The following CRISPLD1 variants were observed in gnomAD, a reference collection of about 807,000 sequenced individuals.
CRISPLD1 encodes the protein cysteine rich secretory protein LCCL domain containing 1, also known as cysteine-rich secretory protein LCCL domain-containing 1.
CRISPLD1 carries 60 observed loss-of-function variants against 77.5 expected under a neutral mutation model. The observed-to-expected ratio is 0.77, with a 90% CI of 0.63 to 0.96. CRISPLD1 has a LOEUF of 0.96. CRISPLD1 is among the 40% of genes least tolerant of loss of function. The pLI is 0.00. For synonymous variants in CRISPLD1, 195 were observed against 200.1 expected (o/e 0.97, Z 0.22); for missense variants, 623 against 615.8 (o/e 1.01, Z -0.12).
intron 2 of CRISPLD1, among the ~76,000 whole-genome samples, chr8:75,004,000 CAA>C (rs1812788242): frequency 6.6e-6 from 1 of 152,174 alleles, no homozygotes; most frequent in Admixed American, 6.5e-5. Flanking sequence ...GTTTTCATTA[CAA>C]AAGTTATTTT....
At chr8:75,027,751 C>T (rs187199019) in intron 13 of CRISPLD1, among the ~76,000 whole-genome samples, 1 of 152,128 alleles carries the variant, frequency 6.6e-6, no homozygotes, top group Admixed American at 6.6e-5. Context: ...GCCAGACTCC[C>T]TCCCTCCTTC....
intron 2 of CRISPLD1, among the ~76,000 whole-genome samples, chr8:75,002,467 C>A (rs1346665111): frequency 6.8e-6 from 1 of 147,326 alleles, no homozygotes; most frequent in Non-Finnish European, 1.5e-5. Context: ...AAACAAATGC[C>A]ACAATAACTA....
intron 10 of CRISPLD1, among the ~76,000 whole-genome samples, 189 bp downstream of exon 10, chr8:75,017,639 T>G (rs1026631850): frequency 2.0e-5 from 3 of 152,184 alleles, no homozygotes; most frequent in Admixed American, 6.5e-5. Context: ...GTTGAACTCT[T>G]TTGCTTTTAA....
rs1201535218 is a variant in CRISPLD1 at position 74,986,110 on chromosome 8, T to G, written c.123T>G (p.Asp41Glu). The G allele has an allele frequency of 1.1e-5, 18 of 1,613,804 alleles. No homozygotes were observed. Among genetic ancestry groups the G allele is most frequent in the Non-Finnish European group, 1.4e-5 (17 of 1,179,990 alleles). ...LLEKLLEKYM[D>E]EDGEWWIAKQ... ...AGAAACTTTTGGAAAAATACATGGATGAGGATGGTGAGTGGTGGATAGCCA... is the reference window on the plus strand; with the variant it reads ...AGAAACTTTTGGAAAAATACATGGAGGAGGATGGTGAGTGGTGGATAGCCA... The change falls in exon 2 of 15, where the codon GAT (aspartate) becomes GAG (glutamate). Residue 41 changes from aspartate to glutamate, a missense_variant. Asp to Glu is a conservative substitution (Grantham distance 45). Transcript: ENST00000262207.
At position 74,985,919 on chromosome 8, in the gene CRISPLD1, G is replaced by A. The variant is rs900607232; in HGVS notation, c.-62-7G>A. 15 of 1,506,670 alleles carry A rather than the reference G, an allele frequency of 1.0e-5. No individual in the cohort carries two copies. The African/African-American group carries it at 1.7e-4, about 17-fold the overall frequency. The allele number at this position is 1,506,670 out of a possible 1,614,324, so 93.3% of individuals were successfully genotyped here. A position where few individuals can be genotyped will look rare whatever the true frequency, so the allele number is the denominator to read the frequency against. On this transcript the variant is annotated splice_region_variant and splice_polypyrimidine_tract_variant and intron_variant, in intron 1 of 14. Transcript: ENST00000262207. ...TTTCATCTTAATCACATGACATGTC[G>A]TTATAGCCAAAAGGAGTGGAAGAGC...
chr8:75,014,217 A>G, intron 5 of CRISPLD1, 115 bp downstream of exon 5: 2 of 680,540 alleles, frequency 2.9e-6, no homozygotes, highest in Non-Finnish European at 5.1e-6. Flanking sequence ...GTATTATTTT[A>G]ATTCTGTTTA....
chr8:74,985,549 G>A (rs1198713371), intron 1 of CRISPLD1, among the ~76,000 whole-genome samples: 2 of 152,148 alleles, frequency 1.3e-5, no homozygotes, highest in Non-Finnish European at 2.9e-5. Context: ...CCTCTAGATT[G>A]AAATCAAACG....
intron 2 of CRISPLD1, chr8:75,000,029 G>T: frequency 2.2e-6 from 1 of 464,234 alleles, no homozygotes; most frequent in South Asian, 9.3e-5. Context: ...ATGAGGGGTT[G>T]GAAGGCAGCA....
At chr8:74,992,788 G>C (rs1451680374) in intron 2 of CRISPLD1, among the ~76,000 whole-genome samples, 1 of 152,142 alleles carries the variant, frequency 6.6e-6, no homozygotes, top group African/African-American at 2.4e-5. Context: ...CCAGAACCCA[G>C]GGGCCAAATA....
chr8:75,006,005 G>T (rs66765367), intron 2 of CRISPLD1, among the ~76,000 whole-genome samples: 18,788 of 152,030 alleles, frequency 0.12, 1,709 homozygotes, highest in African/African-American at 0.25. Flanking sequence ...CTTCTAGTGT[G>T]CCCATCATCC....
Position 75,017,536 on chromosome 8 carries a change from ATAATT to A in CRISPLD1, c.1127+90_1127+94del, listed in dbSNP as rs1813056659. The A allele has an allele frequency of 2.7e-6, 3 of 1,111,594 alleles. No individual in the cohort carries two copies. In the East Asian group the frequency reaches 8.3e-5, roughly 31 times the overall value. The allele number at this position is 1,111,594 out of a possible 1,614,324, so 68.9% of individuals were successfully genotyped here. ...ATTTTTTTTTAGAGCAAAGCATAGA[ATAATT>A]TAAGAAGAAAGAATTTGGTTATTTT... On this transcript the variant is annotated intron_variant, in intron 10 of 14. Transcript: ENST00000262207.
intron 2 of CRISPLD1, among the ~76,000 whole-genome samples, chr8:74,991,604 C>T (rs1406377412): frequency 1.3e-5 from 2 of 152,188 alleles, no homozygotes; most frequent in Admixed American, 6.5e-5. Flanking sequence ...TGTCTCGGCT[C>T]ACTGCAATGT....
chr8:74,988,718 C>T (rs1021136373), intron 2 of CRISPLD1, among the ~76,000 whole-genome samples: 1 of 151,986 alleles, frequency 6.6e-6, no homozygotes. Flanking sequence ...GCTGGTAATT[C>T]CAGGTGCTGG....
At chr8:75,030,772 A>G (rs530598569) in intron 14 of CRISPLD1, among the ~76,000 whole-genome samples, 142 of 133,340 alleles carry the variant, frequency 1.1e-3, no homozygotes, top group African/African-American at 2.9e-3. Flanking sequence ...GTATATGTAT[A>G]TGTGTGTGAC....
intron 10 of CRISPLD1, among the ~76,000 whole-genome samples, chr8:75,018,032 T>C (rs1214038632): frequency 1.3e-5 from 2 of 152,164 alleles, no homozygotes; most frequent in African/African-American, 4.8e-5. Context: ...GTATAGAAAG[T>C]AGAAAAATGG....
At chr8:75,032,161 A>G (rs1274203293) in intron 14 of CRISPLD1, 30 bp from the exon 15 acceptor site, 24 of 1,487,002 alleles carry the variant, frequency 1.6e-5, no homozygotes, top group Non-Finnish European at 2.0e-5. Context: ...TGACATCAAT[A>G]TACTTTTCAT....
At chr8:75,001,072 T>C (rs1007214984) in intron 2 of CRISPLD1, among the ~76,000 whole-genome samples, 2 of 152,096 alleles carry the variant, frequency 1.3e-5, no homozygotes, top group South Asian at 2.1e-4. Flanking sequence ...AAGTACTCTA[T>C]TGAAAAATAT....
intron 2 of CRISPLD1, among the ~76,000 whole-genome samples, chr8:75,001,438 CTCTTGATGAACTGTTT>C (rs1157680344): frequency 6.6e-6 from 1 of 152,088 alleles, no homozygotes; most frequent in African/African-American, 2.4e-5. Context: ...AATGCCAAGA[CTCTTGATGAACTGTTT>C]TCAAGATGTA....
At chr8:75,000,984 G>T (rs1461928521) in intron 2 of CRISPLD1, among the ~76,000 whole-genome samples, 3 of 152,044 alleles carry the variant, frequency 2.0e-5, no homozygotes, top group Non-Finnish European at 4.4e-5. Flanking sequence ...TTTAGTGAAA[G>T]CTTTTCACTA....
Sources: allele counts gnomAD v4.1 joint callset (sites outside exome capture counted in the v4.1 genomes callset), GRCh38; gene constraint gnomAD v4.1.1; transcripts MANE v1.5; gene names NCBI Gene and HGNC (gene_info 2026-07-23, HGNC 2026-07-21).